Variants in CA6 observed in about 807,000 individuals in gnomAD.
CA6 encodes carbonate dehydratase VI.
In CA6, 28 loss-of-function variants were observed where a neutral mutation model predicts 35.9. The ratio of observed to expected loss-of-function variants is 0.78; its 90% CI spans 0.58 to 1.07. CA6 has a LOEUF of 1.07. Among genes scored for constraint, CA6 ranks in the 50% least tolerant of loss-of-function variants. The pLI, the probability that CA6 is intolerant of heterozygous loss-of-function variation, is 0.00. For synonymous variants in CA6, 148 were observed against 152.6 expected (o/e 0.97, Z 0.22); for missense variants, 377 against 382.0 (o/e 0.99, Z 0.11).
rs529415451 is a variant in CA6 at position 8,957,123 on chromosome 1, C to T, written c.260-14C>T. On this transcript the variant is annotated splice_polypyrimidine_tract_variant and intron_variant, in intron 2 of 7. Transcript: ENST00000377443. The stretch of plus-strand genomic sequence containing the variant: ...TTCACCTACTCTGCTCTCAGCCCCA[C>T]CTTGTCTCTCCAGTGCAGATCAGCC... The T allele has an allele frequency of 1.3e-6, 2 of 1,587,698 alleles. No homozygotes were observed. Among genetic ancestry groups the T allele is most frequent in the Admixed American group, 1.7e-5 (1 of 58,026 alleles).
In CA6 at chr1:8,974,871, G is replaced by A. The variant is rs973547933; in HGVS notation, c.*167G>A. 10 of 518,158 alleles carry A rather than the reference G, an allele frequency of 1.9e-5. No homozygotes were observed. The highest frequency in any genetic ancestry group is 1.7e-4 in the East Asian group (5 of 29,052). The allele number at this position is 518,158 out of a possible 1,614,324, so 32.1% of individuals were successfully genotyped here. ...GGATTCTGATTAAAAGAGGGGAAACGATCATCCTGGACAGGAAGTGAGATG... is the reference window on the plus strand; with the variant it reads ...GGATTCTGATTAAAAGAGGGGAAACAATCATCCTGGACAGGAAGTGAGATG... On this transcript the variant is annotated 3_prime_UTR_variant, in exon 8 of 8. Coordinates refer to ENST00000377443, the MANE Select transcript of CA6 (RefSeq NM_001215.4).
At chr1:8,973,740 C>CTT (rs756878672) in intron 7 of CA6, among the ~76,000 whole-genome samples, 1 of 19,386 alleles carries the variant, frequency 5.2e-5, no homozygotes, top group African/African-American at 4.3e-4. Context: ...TTCTTTCTTT[C>CTT]TTTCTTTCTT....
chr1:8,964,237 TTCTC>T (rs1207556084), intron 5 of CA6, among the ~76,000 whole-genome samples: 9 of 151,760 alleles, frequency 5.9e-5, no homozygotes, highest in East Asian at 1.9e-4. Flanking sequence ...CATCGTTGAT[TTCTC>T]TCTCTCTCTC....
chr1:8,949,415 T>A lies in CA6; in HGVS notation c.232T>A (p.Phe78Ile). ...AGGCTATGAGACCCAGGCAGGGGAG[T>A]TCCCCATGGTCAACAATGGCCACAC... is the stretch of plus-strand genomic sequence containing the variant. ...MTGYETQAGE[F>I]PMVNNGHTVQ... Residue 78 changes from phenylalanine (F) to isoleucine (I), a missense_variant, in exon 2 of 8, where the codon TTC becomes ATC. Phe to Ile is a conservative substitution (Grantham distance 21). Transcript: ENST00000377443. 1 of 1,611,956 alleles carries A rather than the reference T, an allele frequency of 6.2e-7. No homozygotes were observed. Among genetic ancestry groups the A allele is most frequent in the Non-Finnish European group, 8.5e-7 (1 of 1,179,058 alleles).
chr1:8,964,055 A>C (rs1639907806), intron 5 of CA6, among the ~76,000 whole-genome samples: 1 of 151,826 alleles, frequency 6.6e-6, no homozygotes, highest in Admixed American at 6.6e-5. Flanking sequence ...GGCCAGAAAC[A>C]CTCCGCTCCT....
In CA6 at chr1:8,967,699, G is replaced by C; in HGVS notation, c.612G>C (p.Met204Ile). ...TGACTGGCCTTGACGTTCAGGACAT[G>C]CTGCCCAGGAACCTCCAGCACTACT... The part of the protein sequence containing the change: ...TTLTGLDVQD[M>I]LPRNLQHYYT... Residue 204 changes from methionine (M) to isoleucine (I), a missense_variant, in exon 6 of 8, where the codon ATG becomes ATC. Met to Ile is a conservative substitution (Grantham distance 10). Transcript: ENST00000377443. 9 of 1,614,110 alleles carry C rather than the reference G, an allele frequency of 5.6e-6. No homozygotes were observed. Among genetic ancestry groups the C allele is most frequent in the Non-Finnish European group, 7.6e-6 (9 of 1,179,982 alleles).
Position 8,963,740 on chromosome 1 carries a change from C to T in CA6, c.571+1084C>T, listed in dbSNP as rs925894464. Among the ~76,000 whole-genome samples, 5 of 152,136 alleles carry T rather than the reference C, an allele frequency of 3.3e-5. No individual in the cohort carries two copies. Among genetic ancestry groups the T allele is most frequent in the African/African-American group, 1.2e-4 (5 of 41,424 alleles). On this transcript the variant is annotated intron_variant, in intron 5 of 7. Transcript: ENST00000377443. The surrounding 1 kb of genome is among the most constrained non-coding windows in gnomAD (Gnocchi z 4.1). ...TATTTTCAGTAGAGACAGGGTCTCA[C>T]CATGTTCTCAGGCTGGTCTTGAACT...
At chr1:8,948,485 T>C (rs550453726) in intron 1 of CA6, among the ~76,000 whole-genome samples, 3 of 148,704 alleles carry the variant, frequency 2.0e-5, no homozygotes, top group East Asian at 4.0e-4. Context: ...AGCAAGAAAA[T>C]AGTGGTGGGG....
rs752476765 is a variant in CA6 at position 8,949,453 on chromosome 1, G to T, written c.259+11G>T. The T allele has an allele frequency of 1.9e-6, 3 of 1,606,634 alleles. No individual in the cohort carries two copies. The highest frequency in any genetic ancestry group is 8.5e-7 in the Non-Finnish European group (1 of 1,175,850). On this transcript the variant is annotated intron_variant, in intron 2 of 7. Transcript: ENST00000377443. ...ACAATGGCCACACAGGTAAGAGGAA[G>T]GGGTGGTGAGGGGCTCCAGTCCATG...
In CA6 at chr1:8,949,286, T is replaced by C. The variant is rs1639454357; in HGVS notation, c.103T>C (p.Trp35Arg). The C allele has an allele frequency of 6.2e-7, 1 of 1,607,252 alleles. No individual in the cohort carries two copies. Among genetic ancestry groups the C allele is most frequent in the Non-Finnish European group, 8.5e-7 (1 of 1,177,184 alleles). Residue 35 changes from tryptophan to arginine, a missense_variant, in exon 2 of 8, where the codon TGG becomes CGG. Transcript: ENST00000377443. ...YSEGALDEAH[W>R]PQHYPACGGQ... The stretch of plus-strand genomic sequence containing the variant: ...AGAAGGGGCACTGGACGAAGCGCAC[T>C]GGCCACAGCACTACCCCGCCTGTGG...
At chr1:8,958,475 G>T (rs966086552) in intron 3 of CA6, among the ~76,000 whole-genome samples, 21 of 152,148 alleles carry the variant, frequency 1.4e-4, no homozygotes, top group African/African-American at 4.6e-4. Context: ...GACTGTGTTA[G>T]ATTTTCTGAG....
intron 5 of CA6, among the ~76,000 whole-genome samples, chr1:8,967,349 G>A (rs181169421): frequency 2.6e-5 from 4 of 152,082 alleles, no homozygotes; most frequent in South Asian, 2.1e-4. Flanking sequence ...CTTTCCAGAC[G>A]TTATTCCTTC....
chr1:8,973,704 T>TTCTCTC (rs200899616), intron 7 of CA6, among the ~76,000 whole-genome samples: 2 of 126,814 alleles, frequency 1.6e-5, no homozygotes, highest in Non-Finnish European at 3.3e-5. Context: ...GGATTTTTCT[T>TTCTCTC]TCTCTCTCTT....
At chr1:8,965,105 A>G (rs1430868290) in intron 5 of CA6, among the ~76,000 whole-genome samples, 1 of 152,024 alleles carries the variant, frequency 6.6e-6, no homozygotes, top group Non-Finnish European at 1.5e-5. Flanking sequence ...TTAGCCAGGC[A>G]TGGTGGTGCA....
chr1:8,959,934 A>AAAAAAAAAAAAAAAAAAAAG (rs1639793247), intron 4 of CA6, among the ~76,000 whole-genome samples: 1 of 147,628 alleles, frequency 6.8e-6, no homozygotes, highest in African/African-American at 2.5e-5. Flanking sequence ...TCTATCTCAA[A>AAAAAAAAAAAAAAAAAAAAG]AAAAAAAAAA....
At chr1:8,956,886 G>A (rs1047063272) in intron 2 of CA6, among the ~76,000 whole-genome samples, 8 of 152,338 alleles carry the variant, frequency 5.3e-5, no homozygotes, top group South Asian at 2.1e-4. Flanking sequence ...GGGAAGGAGC[G>A]TGCTGGGGAG....
chr1:8,949,194 G>A, intron 1 of CA6, 69 bp from the exon 2 acceptor site: 1 of 1,288,644 alleles, frequency 7.8e-7, no homozygotes, highest in Non-Finnish European at 1.1e-6. Context: ...TCTGGCCTCT[G>A]GCCTGGTGAG....
chr1:8,965,751 A>T (rs1393829482), intron 5 of CA6, among the ~76,000 whole-genome samples: 2 of 151,854 alleles, frequency 1.3e-5, no homozygotes, highest in African/African-American at 2.4e-5. Context: ...GCCAGGTGTT[A>T]TGGAGGGTGC....
At position 8,951,357 on chromosome 1, in the gene CA6, A is replaced by C. The variant is rs1249677402; in HGVS notation, c.259+1915A>C. 1.6e-5 allele frequency: 11 copies of C among 692,230 alleles called. No individual in the cohort carries two copies. The East Asian group carries it at 2.7e-4, about 17-fold the overall frequency. The allele number at this position is 692,230 out of a possible 1,614,324, so 42.9% of individuals were successfully genotyped here. A position where few individuals can be genotyped will look rare whatever the true frequency, so the allele number is the denominator to read the frequency against. On this transcript the variant is annotated intron_variant, in intron 2 of 7. Coordinates refer to ENST00000377443, the MANE Select transcript of CA6 (RefSeq NM_001215.4). The stretch of plus-strand genomic sequence containing the variant: ...GAGCCCTGAAATACACAAAGAATGA[A>C]CAAAAGCCTCATTTTCATCATAATG...
Sources: gnomAD v4.1 joint callset for allele counts (sites outside exome capture counted in the v4.1 genomes callset) on GRCh38, gnomAD v4.1.1 for gene constraint, Gnocchi (gnomAD v3.1) non-coding constraint, MANE v1.5 for transcripts, NCBI Gene and HGNC (gene_info 2026-07-23, HGNC 2026-07-21) for gene names.